Variants in MYO9A observed in about 807,000 individuals in gnomAD.
MYO9A encodes the protein myosin IXA.
A neutral mutation model predicts 293.3 loss-of-function variants in MYO9A; 103 were observed. The observed-to-expected ratio is 0.35, with a 90% CI of 0.30 to 0.41. The LOEUF (loss-of-function observed/expected upper bound fraction) is 0.41. MYO9A is among the 10% of genes least tolerant of loss of function. The pLI is 1.00. For synonymous variants in MYO9A, 1,001 were observed against 1,035.7 expected, an observed-to-expected ratio of 0.97 and a Z score of 0.64; for missense variants, 2,685 against 3,033.0, an observed-to-expected ratio of 0.89 and a Z score of 2.69.
chr15:72,066,759 T>C (rs558453926), intron 1 of MYO9A, among the ~76,000 whole-genome samples: 1 of 151,880 alleles, frequency 6.6e-6, no homozygotes, highest in Non-Finnish European at 1.5e-5. Flanking sequence ...TGAAGATTTA[T>C]GCACTTTATT....
At chr15:71,919,627 G>A (rs1462944327) in intron 18 of MYO9A, among the ~76,000 whole-genome samples, 1 of 151,890 alleles carries the variant, frequency 6.6e-6, no homozygotes, top group Non-Finnish European at 1.5e-5. Context: ...GATCACCAGA[G>A]GTCAGGAGTT....
intron 25 of MYO9A, among the ~76,000 whole-genome samples, chr15:71,894,188 T>C (rs2057258758): frequency 6.6e-6 from 1 of 152,190 alleles, no homozygotes; most frequent in Admixed American, 6.5e-5. Context: ...GATGAGGATC[T>C]CATTATATTT....
chr15:72,043,921 AT>A (rs1566977689), intron 2 of MYO9A, among the ~76,000 whole-genome samples: 1 of 134,928 alleles, frequency 7.4e-6, no homozygotes, highest in Non-Finnish European at 1.5e-5. Flanking sequence ...AACAAACACT[AT>A]ATTCCCTTTC....
chr15:71,932,494 AG>A (rs1293908998), intron 18 of MYO9A, among the ~76,000 whole-genome samples: 1 of 151,824 alleles, frequency 6.6e-6, no homozygotes, highest in East Asian at 1.9e-4. Flanking sequence ...GAAAAAACTC[AG>A]GAAACGCTGG....
intron 1 of MYO9A, among the ~76,000 whole-genome samples, chr15:72,087,106 G>C (rs1173957643): frequency 6.6e-6 from 1 of 152,112 alleles, no homozygotes; most frequent in African/African-American, 2.4e-5. Flanking sequence ...ATTCAAGTGT[G>C]GTCAGGTCAG....
At chr15:71,957,365 C>T (rs1350571477) in intron 14 of MYO9A, among the ~76,000 whole-genome samples, 1 of 151,932 alleles carries the variant, frequency 6.6e-6, no homozygotes, top group African/African-American at 2.4e-5. Context: ...TTTCTCATTG[C>T]TATTATGAAA....
intron 1 of MYO9A, among the ~76,000 whole-genome samples, chr15:72,105,267 GACT>G (rs1348987102): frequency 6.6e-6 from 1 of 151,770 alleles, no homozygotes; most frequent in African/African-American, 2.4e-5. Context: ...CAGGCTGTTG[GACT>G]ACTACCGTGG....
At chr15:72,034,683 C>T (rs2077987835) in intron 2 of MYO9A, among the ~76,000 whole-genome samples, 1 of 152,110 alleles carries the variant, frequency 6.6e-6, no homozygotes, top group African/African-American at 2.4e-5. Flanking sequence ...TAGAAACAAA[C>T]AGAAACATAC....
At chr15:72,040,068 T>G (rs987454538) in intron 2 of MYO9A, 3 of 154,794 alleles carry the variant, frequency 1.9e-5, no homozygotes, top group Non-Finnish European at 4.3e-5. Context: ...ATCCACTGCA[T>G]GGACACAGGA....
intron 18 of MYO9A, among the ~76,000 whole-genome samples, chr15:71,923,536 C>CA (rs1567275687): frequency 6.6e-6 from 1 of 152,138 alleles, no homozygotes; most frequent in Non-Finnish European, 1.5e-5. Flanking sequence ...GATTTGAACT[C>CA]AGAGTTGTTA....
intron 10 of MYO9A, among the ~76,000 whole-genome samples, chr15:71,994,222 G>C (rs560744687): frequency 4.5e-4 from 69 of 152,062 alleles, no homozygotes; most frequent in Middle Eastern, 3.4e-3. Context: ...AGAATACAGA[G>C]AGCATGATTC....
intron 27 of MYO9A, among the ~76,000 whole-genome samples, chr15:71,887,631 T>C (rs565411131): frequency 3.5e-4 from 53 of 152,270 alleles, no homozygotes; most frequent in African/African-American, 1.2e-3. Flanking sequence ...TGTTCATTGT[T>C]GAAGACAATG....
chr15:72,012,900 C>T (rs572625733), intron 6 of MYO9A, among the ~76,000 whole-genome samples: 5 of 152,218 alleles, frequency 3.3e-5, no homozygotes, highest in Admixed American at 3.3e-4. Context: ...TGTATTTGCT[C>T]TTATCCTTAA....
chr15:72,070,655 A>G (rs2079163675), intron 1 of MYO9A, among the ~76,000 whole-genome samples: 1 of 152,084 alleles, frequency 6.6e-6, no homozygotes, highest in Non-Finnish European at 1.5e-5. Flanking sequence ...GCGCCACTGC[A>G]CTCCAGCTGG....
At chr15:71,998,675 C>G (rs1462308453) in intron 9 of MYO9A, among the ~76,000 whole-genome samples, 2 of 151,196 alleles carry the variant, frequency 1.3e-5, no homozygotes, top group African/African-American at 2.4e-5. Flanking sequence ...CGTGTTGCAC[C>G]CATTAACTCG....
chr15:71,872,891 G>GT (rs1296396807), intron 32 of MYO9A, among the ~76,000 whole-genome samples: 2 of 151,402 alleles, frequency 1.3e-5, no homozygotes, highest in African/African-American at 4.9e-5. Context: ...GTAGCTTTCT[G>GT]TACAGTGTTT....
intron 15 of MYO9A, among the ~76,000 whole-genome samples, chr15:71,947,476 T>C (rs953478554): frequency 1.3e-5 from 2 of 152,176 alleles, no homozygotes; most frequent in African/African-American, 4.8e-5. Context: ...AGTTGTAATA[T>C]GTTGTTTCCA....
chr15:72,003,900 ATAT>A (rs2076945103), intron 8 of MYO9A, among the ~76,000 whole-genome samples: 1 of 152,178 alleles, frequency 6.6e-6, no homozygotes, highest in Non-Finnish European at 1.5e-5. Flanking sequence ...CTTGAGGAAC[ATAT>A]TATTCTCTGC....
intron 15 of MYO9A, among the ~76,000 whole-genome samples, chr15:71,946,199 C>T (rs893916425): frequency 6.6e-6 from 1 of 152,164 alleles, no homozygotes; most frequent in African/African-American, 2.4e-5. Flanking sequence ...AATAATAACA[C>T]TGGCCTCATG....
Sources: gnomAD v4.1 joint callset for allele counts (sites outside exome capture counted in the v4.1 genomes callset) on GRCh38, gnomAD v4.1.1 for gene constraint, MANE v1.5 for transcripts, NCBI Gene and HGNC (gene_info 2026-07-23, HGNC 2026-07-21) for gene names.